The following EMC10 variants were observed in gnomAD, a reference collection of about 807,000 sequenced individuals.
EMC10 encodes the protein ER membrane protein complex subunit 10, also known as UPF0510 protein INM02.
EMC10 carries 40 observed loss-of-function variants against 32.2 expected under a neutral mutation model. That is an observed-to-expected ratio of 1.24 (90% CI 0.96 to 1.61). The LOEUF is 1.61. Among genes scored for constraint, EMC10 ranks in the 40% most tolerant of loss-of-function variants. The pLI, the probability that EMC10 is intolerant of heterozygous loss-of-function variation, is 0.00. For synonymous variants in EMC10, 178 were observed against 158.4 expected (o/e 1.12, Z -0.93); for missense variants, 402 against 357.7 (o/e 1.12, Z -1.00).
rs1461950965 is a variant in EMC10, at chr19:50,480,270, C to G, written c.402+55C>G. On this transcript the variant is annotated intron_variant, in intron 4 of 6. Coordinates refer to ENST00000334976, the MANE Select transcript of EMC10 (RefSeq NM_206538.4). This position sits in a 1 kb window ranked among gnomAD's most constrained non-coding sequence, Gnocchi z 4.4. ...CTCCCTCGTCCTCCTCATCCCCTAC[C>G]CTGGTCCTGCTTCCACCATTCGAAC... 6.6e-7 allele frequency: 1 copy of G among 1,508,292 alleles called. No homozygotes were observed. The highest frequency in any genetic ancestry group is 1.9e-5 in the Admixed American group (1 of 53,446). 93.4% of individuals were successfully genotyped at this position (1,508,292 alleles called of 1,614,324 possible).
chr19:50,486,815 T>C lies in EMC10; in HGVS notation c.*4556T>C, dbSNP rs1373007429. ...AGAAGTTTCATACCAAGAAGTTTGCTGAGCATGATGTTTGTATATTGATTA... is the reference window on the plus strand; with the variant it reads ...AGAAGTTTCATACCAAGAAGTTTGCCGAGCATGATGTTTGTATATTGATTA... On this transcript the variant is annotated 3_prime_UTR_variant, in exon 7 of 7. Transcript: ENST00000334976. 6.6e-6 allele frequency: 1 copy of C among 152,226 alleles called. No homozygotes were observed. The highest frequency in any genetic ancestry group is 1.5e-5 in the Non-Finnish European group (1 of 68,048). The allele number at this position is 152,226 out of a possible 1,614,324, so 9.4% of individuals were successfully genotyped here.
rs1271660019 is a variant in EMC10 at position 50,486,575 on chromosome 19, C to T, written c.*4316C>T. On this transcript the variant is annotated 3_prime_UTR_variant, in exon 7 of 7. Coordinates refer to ENST00000334976, the MANE Select transcript of EMC10 (RefSeq NM_206538.4). ...CCTCTTCAGCTGTCAGTCCATCCTC[C>T]TTTATTTGTACCCACCTTCCAGTCA... 6.6e-6 allele frequency: 1 copy of T among 152,154 alleles called. No individual in the cohort carries two copies. The highest frequency in any genetic ancestry group is 2.4e-5 in the African/African-American group (1 of 41,432). The allele number at this position is 152,154 out of a possible 1,614,324, so 9.4% of individuals were successfully genotyped here.
At position 50,488,937 on chromosome 19, in the gene EMC10, G is replaced by C. The variant is rs930434100; in HGVS notation, c.*6678G>C. On this transcript the variant is annotated 3_prime_UTR_variant, in exon 7 of 7. Coordinates refer to ENST00000334976, the MANE Select transcript of EMC10 (RefSeq NM_206538.4). The stretch of plus-strand genomic sequence containing the variant: ...GAGAAGAAATGGGAGAGGGAAGAAG[G>C]GTGGGAGAGAAAACGGAACAGAGAG... The C allele has an allele frequency of 5.3e-5, 8 of 149,682 alleles. No individual in the cohort carries two copies. Among genetic ancestry groups the C allele is most frequent in the Non-Finnish European group, 1.0e-4 (7 of 67,640 alleles). The allele number at this position is 149,682 out of a possible 1,614,324, so 9.3% of individuals were successfully genotyped here.
chr19:50,481,702 T>G (rs975208674), intron 6 of EMC10: 6 of 622,760 alleles, frequency 9.6e-6, no homozygotes, highest in African/African-American at 1.9e-5. Flanking sequence ...TCCGCCTGGA[T>G]AGTCCAACAG....
In EMC10 at chr19:50,481,924, G is replaced by A. The variant is rs775920286; in HGVS notation, c.679-225G>A. The stretch of plus-strand genomic sequence containing the variant: ...CCTGCGTCCTGCTGCGCCAGGGCCC[G>A]CGCCACCGCCACAGGAGGCCTGAGT... On this transcript the variant is annotated intron_variant, in intron 6 of 6. Transcript: ENST00000334976. The A allele has an allele frequency of 5.6e-6, 9 of 1,605,220 alleles. No individual in the cohort carries two copies. The African/African-American group carries it at 6.7e-5, about 12-fold the overall frequency.
At chr19:50,477,710 C>T (rs535986578) in intron 1 of EMC10, among the ~76,000 whole-genome samples, 2 of 152,226 alleles carry the variant, frequency 1.3e-5, no homozygotes, top group Admixed American at 1.3e-4. Context: ...TGAGGTTAGG[C>T]ATGTTTGTAG....
In EMC10 at chr19:50,483,101, T is replaced by A; in HGVS notation, c.*842T>A. On this transcript the variant is annotated 3_prime_UTR_variant, in exon 7 of 7. Coordinates refer to ENST00000334976, the MANE Select transcript of EMC10 (RefSeq NM_206538.4). ...CCTTTGCTGTGTGCCACCCTCCCTGTAAGTCTATTTAAAAACATCGACGAT... is the reference window on the plus strand; with the variant it reads ...CCTTTGCTGTGTGCCACCCTCCCTGAAAGTCTATTTAAAAACATCGACGAT... 2.0e-6 allele frequency: 1 copy of A among 491,114 alleles called. No individual in the cohort carries two copies. The highest frequency in any genetic ancestry group is 1.5e-5 in the South Asian group (1 of 64,882). The allele number at this position is 491,114 out of a possible 1,614,324, so 30.4% of individuals were successfully genotyped here.
Position 50,482,855 on chromosome 19 carries a change from G to T in EMC10, c.*596G>T, listed in dbSNP as rs2040345294. On this transcript the variant is annotated 3_prime_UTR_variant, in exon 7 of 7. Transcript: ENST00000334976. ...CCCGACGCCTAGTGCAGCCCCTGGG[G>T]TCGTGGTTTGACATTTGTCTGCCTG... The T allele has an allele frequency of 3.1e-5, 17 of 547,162 alleles. No homozygotes were observed. The South Asian group carries it at 4.5e-4, about 15-fold the overall frequency. The allele number at this position is 547,162 out of a possible 1,614,324, so 33.9% of individuals were successfully genotyped here. A position where few individuals can be genotyped will look rare whatever the true frequency, so the allele number is the denominator to read the frequency against.
rs2040301052 is a variant in EMC10, at chr19:50,480,536, C to A, written c.403-45C>A. The stretch of plus-strand genomic sequence containing the variant: ...GGCCGGGGGAGGTTAGGGTGGAGCC[C>A]AGGCAGCAGGCTCCCCACCTCCACT... On this transcript the variant is annotated intron_variant, in intron 4 of 6. Coordinates refer to ENST00000334976, the MANE Select transcript of EMC10 (RefSeq NM_206538.4). This position sits in a 1 kb window ranked among gnomAD's most constrained non-coding sequence, Gnocchi z 4.4. 1 of 1,538,588 alleles carries A rather than the reference C, an allele frequency of 6.5e-7. No individual in the cohort carries two copies. The highest frequency in any genetic ancestry group is 2.0e-5 in the Admixed American group (1 of 50,028).
In EMC10 at chr19:50,481,754, C is replaced by T. The variant is rs1411692311; in HGVS notation, c.679-395C>T. On this transcript the variant is annotated intron_variant, in intron 6 of 6. Coordinates refer to ENST00000334976, the MANE Select transcript of EMC10 (RefSeq NM_206538.4). ...TGAGGCCCAGAGGCTGAGCCCTTGC[C>T]TGCTGGGCCCTGCCCTGCTGCCCAC... The T allele has an allele frequency of 5.3e-6, 5 of 949,298 alleles. No homozygotes were observed. The African/African-American group carries it at 6.7e-5, about 13-fold the overall frequency. 58.8% of individuals were successfully genotyped at this position (949,298 alleles called of 1,614,324 possible).
chr19:50,483,061 A>C lies in EMC10; in HGVS notation c.*802A>C. 1 of 527,648 alleles carries C rather than the reference A, an allele frequency of 1.9e-6. No homozygotes were observed. Among genetic ancestry groups the C allele is most frequent in the Non-Finnish European group, 3.6e-6 (1 of 274,268 alleles). 32.7% of individuals were successfully genotyped at this position (527,648 alleles called of 1,614,324 possible). Reference sequence around the variant, plus strand: ...AGCATCCTACCTGGACTGCGGTGCTACGAGGGCCTGCGGGCCTTTGCTGTG... The same window carrying C: ...AGCATCCTACCTGGACTGCGGTGCTCCGAGGGCCTGCGGGCCTTTGCTGTG... On this transcript the variant is annotated 3_prime_UTR_variant, in exon 7 of 7. Transcript: ENST00000334976.
intron 1 of EMC10, chr19:50,476,938 C>A: frequency 5.8e-6 from 2 of 345,818 alleles, no homozygotes; most frequent in Non-Finnish European, 1.0e-5. Context: ...CTTGGAGAAT[C>A]CGACGTCCGG....
In EMC10 at chr19:50,480,759, C is replaced by A; in HGVS notation, c.581C>A (p.Pro194Gln). The A allele has an allele frequency of 6.3e-7, 1 of 1,586,882 alleles. No homozygotes were observed. The highest frequency in any genetic ancestry group is 8.6e-7 in the Non-Finnish European group (1 of 1,165,674). Residue 194 changes from proline (P) to glutamine (Q), a missense_variant, in exon 5 of 7, where the codon CCA (proline) becomes CAA (glutamine). Coordinates refer to ENST00000334976, the MANE Select transcript of EMC10 (RefSeq NM_206538.4). This position sits in a 1 kb window ranked among gnomAD's most constrained non-coding sequence, Gnocchi z 4.4. Reference protein sequence around the residue: ...SVQLQPPTTAPGPETAAFIER... With the variant: ...SVQLQPPTTAQGPETAAFIER... ...CAGCTGCAGCCGCCCACCACAGCCC[C>A]AGGGTGAGCCTCTGCTGCCTTCGCG...
intron 2 of EMC10, 79 bp downstream of exon 2, chr19:50,478,080 C>A: frequency 1.7e-6 from 2 of 1,177,472 alleles, no homozygotes; most frequent in Non-Finnish European, 2.4e-6. Flanking sequence ...GGGTGCCTCC[C>A]GTCGTATGAC....
rs1978491521 is a variant in EMC10, at chr19:50,488,877, G to C, written c.*6618G>C. ...GAAAAAGGAGGGTGGCCACAGAGAGGACAGCGAGAAAAAGAGAACAGGAAG... is the reference window on the plus strand; with the variant it reads ...GAAAAAGGAGGGTGGCCACAGAGAGCACAGCGAGAAAAAGAGAACAGGAAG... On this transcript the variant is annotated 3_prime_UTR_variant, in exon 7 of 7. Transcript: ENST00000334976. 1 of 151,352 alleles carries C rather than the reference G, an allele frequency of 6.6e-6. No homozygotes were observed. Among genetic ancestry groups the C allele is most frequent in the Non-Finnish European group, 1.5e-5 (1 of 68,040 alleles). The allele number at this position is 151,352 out of a possible 1,614,324, so 9.4% of individuals were successfully genotyped here.
chr19:50,476,868 C>A, intron 1 of EMC10: 2 of 454,324 alleles, frequency 4.4e-6, no homozygotes, highest in Non-Finnish European at 7.8e-6. Context: ...GACAAGCGCA[C>A]CTGTCGGAAG....
rs1041158791 is a variant in EMC10 at position 50,480,352 on chromosome 19, C to T, written c.402+137C>T. 21 of 1,024,116 alleles carry T rather than the reference C, an allele frequency of 2.1e-5. No individual in the cohort carries two copies. In the East Asian group the frequency reaches 2.4e-4, roughly 11 times the overall value. 63.4% of individuals were successfully genotyped at this position (1,024,116 alleles called of 1,614,324 possible). On this transcript the variant is annotated intron_variant, in intron 4 of 6. Transcript: ENST00000334976. This position sits in a 1 kb window ranked among gnomAD's most constrained non-coding sequence, Gnocchi z 4.4. ...GAGACTCAGACCTGGCCTTGCCTTC[C>T]GAGGCCTCCTGGTCTGGAGGGGTCG... is the stretch of plus-strand genomic sequence containing the variant.
rs200217945 is a variant in EMC10 at position 50,480,909 on chromosome 19, C to T, written c.610C>T (p.Arg204Cys). Residue 204 changes from arginine (R) to cysteine (C), a missense_variant, in exon 6 of 7, where the codon CGC becomes TGC. By Grantham distance (180) the Arg-to-Cys change is radical. Coordinates refer to ENST00000334976, the MANE Select transcript of EMC10 (RefSeq NM_206538.4). This position sits in a 1 kb window ranked among gnomAD's most constrained non-coding sequence, Gnocchi z 4.4. ...PGPETAAFIE[R>C]LEMEQAQKAK... ...CCCTGAGACGGCGGCCTTCATTGAGCGCCTGGAGATGGAACAGGCCCAGAA... is the reference window on the plus strand; with the variant it reads ...CCCTGAGACGGCGGCCTTCATTGAGTGCCTGGAGATGGAACAGGCCCAGAA... 50 of 1,611,062 alleles carry T rather than the reference C, an allele frequency of 3.1e-5. No homozygotes were observed. The highest frequency in any genetic ancestry group is 2.0e-4 in the Admixed American group (12 of 59,748).
In EMC10 at chr19:50,482,155, T is replaced by C. The variant is rs2040330824; in HGVS notation, c.685T>C (p.Tyr229His). Residue 229 changes from tyrosine to histidine, a missense_variant, in exon 7 of 7, where the codon TAC (tyrosine) becomes CAC (histidine). Transcript: ENST00000334976. The stretch of plus-strand genomic sequence containing the variant: ...TCCTTCCGTCCGGCTGCAGTGGATG[T>C]ACATCATTCCCGTCGTCCTGTTCCT... ...QKSFFAKYWM[Y>H]IIPVVLFLMM... The C allele has an allele frequency of 1.3e-6, 2 of 1,513,522 alleles. No individual in the cohort carries two copies. The highest frequency in any genetic ancestry group is 1.4e-5 in the African/African-American group (1 of 70,952). 93.8% of individuals were successfully genotyped at this position (1,513,522 alleles called of 1,614,324 possible). A position where few individuals can be genotyped will look rare whatever the true frequency, so the allele number is the denominator to read the frequency against.
Sources: allele counts gnomAD v4.1 joint callset (sites outside exome capture counted in the v4.1 genomes callset), GRCh38; gene constraint gnomAD v4.1.1; non-coding constraint Gnocchi (gnomAD v3.1); transcripts MANE v1.5; gene names NCBI Gene and HGNC (gene_info 2026-07-23, HGNC 2026-07-21).